Variants in DNMT3A observed in about 807,000 individuals in gnomAD.
The protein encoded by DNMT3A is DNA methyltransferase 3 alpha, also known as DNA (cytosine-5)-methyltransferase 3A.
In DNMT3A, 267 loss-of-function variants were observed where a neutral mutation model predicts 117.6. The ratio of observed to expected loss-of-function variants is 2.27; its 90% CI spans 2.05 to 2.51. The LOEUF (loss-of-function observed/expected upper bound fraction) is 2.51, where lower values mean the gene tolerates loss of function less well. Ranked by LOEUF, DNMT3A falls within the 30% of genes most tolerant of loss-of-function variation. The pLI is 0.00. For synonymous variants in DNMT3A, 432 were observed against 474.8 expected, an observed-to-expected ratio of 0.91 and a Z score of 1.17; for missense variants, 1,029 against 1,260.2, an observed-to-expected ratio of 0.82 and a Z score of 2.78.
At chr2:25,272,257 G>A (rs1449694579) in intron 6 of DNMT3A, among the ~76,000 whole-genome samples, 1 of 152,182 alleles carries the variant, frequency 6.6e-6, no homozygotes, top group African/African-American at 2.4e-5. Context: ...GAAGTGCTGG[G>A]GTTACAGGTG....
intron 1 of DNMT3A, among the ~76,000 whole-genome samples, chr2:25,332,793 C>T (rs932543624): frequency 2.0e-5 from 3 of 152,260 alleles, no homozygotes; most frequent in Admixed American, 6.5e-5. Flanking sequence ...TGGGAACCAC[C>T]AGCCTGTGCG....
intron 6 of DNMT3A, among the ~76,000 whole-genome samples, chr2:25,267,231 A>C (rs2030444647): frequency 6.6e-6 from 1 of 152,226 alleles, no homozygotes; most frequent in African/African-American, 2.4e-5. Context: ...ATAGGAAAAA[A>C]TCATGACGTT....
chr2:25,333,664 C>T (rs2035098668), intron 1 of DNMT3A, among the ~76,000 whole-genome samples: 1 of 152,192 alleles, frequency 6.6e-6, no homozygotes, highest in Non-Finnish European at 1.5e-5. Flanking sequence ...CAGGGCCTTA[C>T]AGAGCAGCAG....
intron 3 of DNMT3A, among the ~76,000 whole-genome samples, chr2:25,289,136 G>C (rs1323042147): frequency 1.4e-5 from 2 of 147,158 alleles, no homozygotes; most frequent in Non-Finnish European, 3.0e-5. Context: ...ACCGAGTCTC[G>C]CTCTGTTGCC....
rs768369047 is a variant in DNMT3A at position 25,248,127 on chromosome 2, G to T, written c.765C>A (p.Ser255=). ...GCTCAGGCGTGGTAGCCACAGTGGG[G>T]GATGCGGGGTCAGTGGGCTGCTGCA... ...PAVQQPTDPA[S]PTVATTPEPV... The change falls in exon 7 of 23, where the codon TCC becomes TCA. Residue 255 remains serine (S), a synonymous_variant. Coordinates refer to ENST00000321117, the MANE Select transcript of DNMT3A (RefSeq NM_022552.5). The T allele has an allele frequency of 1.2e-6, 2 of 1,613,544 alleles. No homozygotes were observed. Among genetic ancestry groups the T allele is most frequent in the East Asian group, 4.5e-5 (2 of 44,894 alleles).
chr2:25,247,018 C>T lies in DNMT3A; in HGVS notation c.1122+33G>A, dbSNP rs765958140. 1 of 1,602,460 alleles carries T rather than the reference C, an allele frequency of 6.2e-7. No homozygotes were observed. The highest frequency in any genetic ancestry group is 1.1e-5 in the South Asian group (1 of 89,442). ...CTTCCAGGCCTCCTAGTGCTCTAGG[C>T]TCCTCCTCCGAGCTCCCAGCAGGGA... On this transcript the variant is annotated intron_variant, in intron 9 of 22. Coordinates refer to ENST00000321117, the MANE Select transcript of DNMT3A (RefSeq NM_022552.5). This position sits in a 1 kb window ranked among gnomAD's most constrained non-coding sequence, Gnocchi z 5.6.
At chr2:25,251,380 G>A (rs1265859339) in intron 6 of DNMT3A, among the ~76,000 whole-genome samples, 1 of 152,074 alleles carries the variant, frequency 6.6e-6, no homozygotes, top group Non-Finnish European at 1.5e-5. Context: ...GGGGGGCGGA[G>A]AAACCAGGCG....
chr2:25,291,938 T>A (rs1272218504), intron 3 of DNMT3A, among the ~76,000 whole-genome samples: 1 of 152,142 alleles, frequency 6.6e-6, no homozygotes, highest in Non-Finnish European at 1.5e-5. Context: ...GATTTCAGAG[T>A]GAGCTGGAGG....
intron 1 of DNMT3A, among the ~76,000 whole-genome samples, chr2:25,329,430 T>C (rs2034923699): frequency 6.6e-6 from 1 of 152,112 alleles, no homozygotes; most frequent in Admixed American, 6.5e-5. Flanking sequence ...AAAATTATTA[T>C]GTGCTTGATC....
rs1231880599 is a variant in DNMT3A at position 25,286,338 on chromosome 2, G to T, written c.178-3627C>A. On this transcript the variant is annotated intron_variant, in intron 3 of 22. Coordinates refer to ENST00000321117, the MANE Select transcript of DNMT3A (RefSeq NM_022552.5). The surrounding 1 kb of genome is among the most constrained non-coding windows in gnomAD (Gnocchi z 4.3). Reference sequence around the variant, plus strand: ...GCACCAGATGCGCCATTCTCCCAGAGATGCCCCCAAAGCCAGGTGGGAGCC... The same window carrying T: ...GCACCAGATGCGCCATTCTCCCAGATATGCCCCCAAAGCCAGGTGGGAGCC... Among the ~76,000 whole-genome samples the T allele has an allele frequency of 2.0e-5, 3 of 152,236 alleles. No homozygotes were observed. Among genetic ancestry groups the T allele is most frequent in the African/African-American group, 4.8e-5 (2 of 41,468 alleles).
At chr2:25,289,625 C>T (rs1040019453) in intron 3 of DNMT3A, among the ~76,000 whole-genome samples, 23 of 152,338 alleles carry the variant, frequency 1.5e-4, no homozygotes, top group Non-Finnish European at 2.2e-4. Context: ...GGCCGACTCC[C>T]GCTCTGGGTT....
chr2:25,275,743 G>T (rs1452422265), intron 4 of DNMT3A, among the ~76,000 whole-genome samples, 200 bp from the exon 5 acceptor site: 1 of 152,218 alleles, frequency 6.6e-6, no homozygotes, highest in Admixed American at 6.5e-5. Flanking sequence ...AGGGCCTAGG[G>T]CAGAGAAAGA....
Position 25,294,156 on chromosome 2 carries a change from C to A in DNMT3A, c.177+5983G>T, listed in dbSNP as rs2149397257. On this transcript the variant is annotated intron_variant, in intron 3 of 22. Coordinates refer to ENST00000321117, the MANE Select transcript of DNMT3A (RefSeq NM_022552.5). This position sits in a 1 kb window ranked among gnomAD's most constrained non-coding sequence, Gnocchi z 4.7. ...CTTGACTTCTCCAAATGTCACCTCCCTTCTAAGGCCCAGGTCAAGCCCCAC... is the reference window on the plus strand; with the variant it reads ...CTTGACTTCTCCAAATGTCACCTCCATTCTAAGGCCCAGGTCAAGCCCCAC... Among the ~76,000 whole-genome samples, 1 of 152,300 alleles carries A rather than the reference C, an allele frequency of 6.6e-6. No homozygotes were observed. Among genetic ancestry groups the A allele is most frequent in the Admixed American group, 6.5e-5 (1 of 15,302 alleles).
Position 25,311,116 on chromosome 2 carries a change from C to T in DNMT3A, c.72+2797G>A, listed in dbSNP as rs1391030961. On this transcript the variant is annotated intron_variant, in intron 2 of 22. Transcript: ENST00000321117. This position sits in a 1 kb window ranked among gnomAD's most constrained non-coding sequence, Gnocchi z 5.2. Reference sequence around the variant, plus strand: ...GGCTGGAGTGAAAGGTGCATGGAGGCGGGGCTGGGGGCGGGGGCGGGGAGG... The same window carrying T: ...GGCTGGAGTGAAAGGTGCATGGAGGTGGGGCTGGGGGCGGGGGCGGGGAGG... 4.4e-4 allele frequency among the ~76,000 whole-genome samples: 2 copies of T among 4,502 alleles called. No homozygotes were observed. The highest frequency in any genetic ancestry group is 8.7e-4 in the Non-Finnish European group (2 of 2,308). 3.0% of individuals were successfully genotyped at this position (4,502 alleles called of 152,430 possible).
In DNMT3A at chr2:25,235,510, G is replaced by A. The variant is rs10084238; in HGVS notation, c.2597+197C>T. On this transcript the variant is annotated intron_variant, in intron 22 of 22. Coordinates refer to ENST00000321117, the MANE Select transcript of DNMT3A (RefSeq NM_022552.5). ...CCTAGACTCCTCTTACTTGGGACCA[G>A]CCTTAAAATACCCAGGAGCCTGGGG... is the stretch of plus-strand genomic sequence containing the variant. Among the ~76,000 whole-genome samples, 69,884 of 151,996 alleles carry A rather than the reference G, an allele frequency of 0.46. 18,255 individuals are homozygous for A. Among genetic ancestry groups the A allele is most frequent in the Non-Finnish European group, 0.59 (39,796 of 67,932 alleles).
intron 16 of DNMT3A, among the ~76,000 whole-genome samples, chr2:25,243,679 G>A (rs1026524550): frequency 2.6e-5 from 4 of 152,268 alleles, no homozygotes; most frequent in African/African-American, 9.6e-5. Context: ...GCGCCCAGCA[G>A]GCAGGCTGCT....
rs563665566 is a variant in DNMT3A, at chr2:25,323,727, C to G, written c.-177-9566G>C. 3.9e-5 allele frequency among the ~76,000 whole-genome samples: 6 copies of G among 152,316 alleles called. No individual in the cohort carries two copies. In the East Asian group the frequency reaches 1.2e-3, roughly 29 times the overall value. On this transcript the variant is annotated intron_variant, in intron 1 of 22. Coordinates refer to ENST00000321117, the MANE Select transcript of DNMT3A (RefSeq NM_022552.5). ...AAATCCCTGGAGTTCCTCTAAGTGGCCTTCGCTCAGGCAGGAGCTTGTACT... is the reference window on the plus strand; with the variant it reads ...AAATCCCTGGAGTTCCTCTAAGTGGGCTTCGCTCAGGCAGGAGCTTGTACT...
rs925302844 is a variant in DNMT3A, at chr2:25,230,137, A to G, written c.*4142T>C. 6.6e-6 allele frequency: 1 copy of G among 152,260 alleles called. No individual in the cohort carries two copies. The highest frequency in any genetic ancestry group is 2.4e-5 in the African/African-American group (1 of 41,458). 9.4% of individuals were successfully genotyped at this position (152,260 alleles called of 1,614,324 possible). On this transcript the variant is annotated 3_prime_UTR_variant, in exon 23 of 23. Coordinates refer to ENST00000321117, the MANE Select transcript of DNMT3A (RefSeq NM_022552.5). ...TCTCTTGGAAAGTTTGCTTTCCAAT[A>G]GGATGTTCAATAGCAAGAAGTCTCT...
At chr2:25,277,620 G>A (rs2031542857) in intron 4 of DNMT3A, among the ~76,000 whole-genome samples, 1 of 152,198 alleles carries the variant, frequency 6.6e-6, no homozygotes, top group South Asian at 2.1e-4. Context: ...AACCTCAAAC[G>A]TTTCCTACTT....
Sources: allele counts gnomAD v4.1 joint callset (sites outside exome capture counted in the v4.1 genomes callset), GRCh38; gene constraint gnomAD v4.1.1; non-coding constraint Gnocchi (gnomAD v3.1); transcripts MANE v1.5; gene names NCBI Gene and HGNC (gene_info 2026-07-23, HGNC 2026-07-21).